The following RPN2 variants were observed in gnomAD, a reference collection of about 807,000 sequenced individuals.
RPN2 encodes the protein ribophorin II, also known as dolichyl-diphosphooligosaccharide--protein glycosyltransferase subunit 2.
In RPN2, 29 loss-of-function variants were observed where a neutral mutation model predicts 71.4. That is an observed-to-expected ratio of 0.41 (90% confidence interval 0.30 to 0.55). The LOEUF is 0.55. Among genes scored for constraint, RPN2 ranks in the 20% least tolerant of loss-of-function variants. The probability of loss-of-function intolerance (pLI) is 0.35; values close to 1 mark genes in which losing one functional copy is unlikely to be tolerated. For missense variants in RPN2, 726 were observed against 774.1 expected, an observed-to-expected ratio of 0.94 and a Z score of 0.74; for synonymous variants, 308 against 305.0, an observed-to-expected ratio of 1.01 and a Z score of -0.10.
intron 16 of RPN2, among the ~76,000 whole-genome samples, chr20:37,239,001 C>A (rs2068480401): frequency 6.6e-6 from 1 of 152,164 alleles, no homozygotes; most frequent in African/African-American, 2.4e-5. Flanking sequence ...GTTAAAAGGG[C>A]TGCTCCCCAT....
intron 16 of RPN2, chr20:37,238,556 A>AC: frequency 5.0e-6 from 4 of 801,352 alleles, no homozygotes; most frequent in Non-Finnish European, 6.5e-6. Context: ...TGCTCCTCCC[A>AC]CCCCTCCCTA....
chr20:37,186,055 T>C (rs915920328), intron 2 of RPN2, among the ~76,000 whole-genome samples: 2 of 152,218 alleles, frequency 1.3e-5, no homozygotes, highest in Non-Finnish European at 2.9e-5. Flanking sequence ...TGGTATTTCT[T>C]CTCACATGGC....
chr20:37,228,568 A>G lies in RPN2; in HGVS notation c.1318A>G (p.Asn440Asp). ...TPHQTFVRLH[N>D]QKTGQEVVFV... ...CATCTAGACATTTGTCCGACTCCAT[A>G]ACCAGAAGACTGGCCAGGAAGTGGT... The change falls in exon 12 of 17, where the codon AAC (asparagine) becomes GAC (aspartate). Residue 440 changes from asparagine (N) to aspartate (D), a missense_variant. By Grantham distance (23) the Asn-to-Asp change is conservative. Coordinates refer to ENST00000237530, the MANE Select transcript of RPN2 (RefSeq NM_002951.5). 6.2e-7 allele frequency: 1 copy of G among 1,614,196 alleles called. No individual in the cohort carries two copies. Among genetic ancestry groups the G allele is most frequent in the South Asian group, 1.1e-5 (1 of 91,086 alleles).
At chr20:37,210,426 C>G (rs1326881304) in intron 8 of RPN2, among the ~76,000 whole-genome samples, 1 of 151,480 alleles carries the variant, frequency 6.6e-6, no homozygotes. Flanking sequence ...TGATTTTTTT[C>G]TGATAAATAA....
At chr20:37,213,666 G>T in intron 8 of RPN2, 94 bp from the exon 9 acceptor site, 1 of 947,310 alleles carries the variant, frequency 1.1e-6, no homozygotes, top group Non-Finnish European at 1.7e-6. Context: ...GGCTAGCCTT[G>T]GACAGTCTCC....
chr20:37,218,578 A>G (rs2067875886), intron 9 of RPN2, among the ~76,000 whole-genome samples: 1 of 152,080 alleles, frequency 6.6e-6, no homozygotes. Flanking sequence ...AAACTATGCA[A>G]TCCAGTGTTT....
chr20:37,180,870 A>G (rs1375710171), intron 1 of RPN2, among the ~76,000 whole-genome samples: 1 of 152,114 alleles, frequency 6.6e-6, no homozygotes, highest in Non-Finnish European at 1.5e-5. Flanking sequence ...TCCACACAGT[A>G]TTGTTTATTC....
At chr20:37,198,604 AGTG>A in intron 3 of RPN2, 112 bp downstream of exon 3, 1 of 1,513,424 alleles carries the variant, frequency 6.6e-7, no homozygotes, top group African/African-American at 1.4e-5. Flanking sequence ...CATTATTGTG[AGTG>A]GGAATTCCAT....
At chr20:37,198,784 AC>A (rs2067314053) in intron 3 of RPN2, among the ~76,000 whole-genome samples, 1 of 152,032 alleles carries the variant, frequency 6.6e-6, no homozygotes, top group Admixed American at 6.6e-5. Context: ...TTCAAAGTGT[AC>A]CCCCACACGA....
intron 8 of RPN2, 134 bp downstream of exon 8, chr20:37,210,299 G>A (rs948789744): frequency 6.7e-6 from 10 of 1,497,962 alleles, no homozygotes; most frequent in Non-Finnish European, 7.2e-6. Context: ...ACAGTCGAAT[G>A]TAAGAAAATG....
rs1272093312 is a variant in RPN2 at position 37,210,294 on chromosome 20, C to T, written c.986+129C>T. ...TCTACTGGTATCGAAAGCCTACAGT[C>T]GAATGTAAGAAAATGATTTTTAAAA... On this transcript the variant is annotated intron_variant, in intron 8 of 16. Transcript: ENST00000237530. 1.9e-5 allele frequency: 29 copies of T among 1,510,978 alleles called. No homozygotes were observed. In the Admixed American group the frequency reaches 2.4e-4, roughly 12 times the overall value. The allele number at this position is 1,510,978 out of a possible 1,614,324, so 93.6% of individuals were successfully genotyped here.
chr20:37,204,645 A>C (rs1189206110), intron 5 of RPN2, 122 bp from the exon 6 acceptor site: 8 of 1,054,280 alleles, frequency 7.6e-6, no homozygotes, highest in Non-Finnish European at 1.2e-5. Context: ...AGTGACTGAG[A>C]TGGTCTTCAG....
At chr20:37,238,021 G>A (rs747841750) in intron 16 of RPN2, among the ~76,000 whole-genome samples, 31 of 152,066 alleles carry the variant, frequency 2.0e-4, no homozygotes, top group South Asian at 4.2e-4. Flanking sequence ...GTGAGACCTC[G>A]TCTCTCAAAA....
intron 2 of RPN2, among the ~76,000 whole-genome samples, chr20:37,189,893 CTG>C (rs1395548074): frequency 6.6e-6 from 1 of 152,240 alleles, no homozygotes; most frequent in Admixed American, 6.5e-5. Flanking sequence ...GGCACAGACA[CTG>C]TATTCGCAGT....
rs371041505 is a variant in RPN2, at chr20:37,223,866, A to C, written c.1093-12A>C. 1 of 1,612,104 alleles carries C rather than the reference A, an allele frequency of 6.2e-7. No homozygotes were observed. Among genetic ancestry groups the C allele is most frequent in the South Asian group, 1.1e-5 (1 of 91,016 alleles). ...AATTGACCTGGCAACTGTCTTCTCT[A>C]TTTTCCTCTAGCTCAGAGTCAAGAT... On this transcript the variant is annotated splice_polypyrimidine_tract_variant and intron_variant, in intron 9 of 16. Transcript: ENST00000237530.
At chr20:37,219,863 A>G (rs1485714768) in intron 9 of RPN2, among the ~76,000 whole-genome samples, 1 of 152,150 alleles carries the variant, frequency 6.6e-6, no homozygotes, top group Non-Finnish European at 1.5e-5. Context: ...GAATCACTTG[A>G]CAATAAATGT....
chr20:37,200,395 TA>T, intron 4 of RPN2: 1 of 513,150 alleles, frequency 1.9e-6, no homozygotes, highest in South Asian at 1.5e-5. Flanking sequence ...TTTAAAACAA[TA>T]TTTTTTTTGT....
chr20:37,187,501 CAA>C (rs532495023), intron 2 of RPN2, among the ~76,000 whole-genome samples: 286 of 8,730 alleles, frequency 0.033, 64 homozygotes, highest in Admixed American at 0.093. Context: ...GACTCCGTCT[CAA>C]AAAAAAAAAA....
At position 37,232,402 on chromosome 20, in the gene RPN2, G is replaced by A; in HGVS notation, c.1677+11G>A. 1 of 1,614,092 alleles carries A rather than the reference G, an allele frequency of 6.2e-7. No individual in the cohort carries two copies. Among genetic ancestry groups the A allele is most frequent in the Non-Finnish European group, 8.5e-7 (1 of 1,179,974 alleles). On this transcript the variant is annotated intron_variant, in intron 14 of 16. Coordinates refer to ENST00000237530, the MANE Select transcript of RPN2 (RefSeq NM_002951.5). ...CTGCTCTTCGCTCTGGTGAGTGGCT[G>A]TAATTAGCGTGGGCAGCATGCGTCT...
Sources: gnomAD v4.1 joint callset for allele counts (sites outside exome capture counted in the v4.1 genomes callset) on GRCh38, gnomAD v4.1.1 for gene constraint, MANE v1.5 for transcripts, NCBI Gene and HGNC (gene_info 2026-07-23, HGNC 2026-07-21) for gene names.